The following CDHR3 variants were observed in gnomAD, a reference collection of about 807,000 sequenced individuals.
The protein encoded by CDHR3 is cadherin-related family member 3.
A neutral mutation model predicts 86.6 loss-of-function variants in CDHR3; 79 were observed. That is an observed-to-expected ratio of 0.91 (90% CI 0.76 to 1.10). The LOEUF is 1.10. Among genes scored for constraint, CDHR3 ranks in the 50% least tolerant of loss-of-function variants. CDHR3 has a pLI of 0.00. For missense variants in CDHR3, 1,081 were observed against 1,077.6 expected (o/e 1.00, Z -0.04); for synonymous variants, 421 against 402.4 (o/e 1.05, Z -0.55).
intron 4 of CDHR3, among the ~76,000 whole-genome samples, chr7:105,984,710 C>T (rs1314405860): frequency 6.6e-6 from 1 of 152,030 alleles, no homozygotes; most frequent in East Asian, 1.9e-4. Context: ...ATAAAATGTA[C>T]ACCCCAAATC....
In CDHR3 at chr7:106,011,581, C is replaced by T. The variant is rs560689323; in HGVS notation, c.1053-1279C>T. Among the ~76,000 whole-genome samples the T allele has an allele frequency of 4.6e-5, 7 of 152,080 alleles. No homozygotes were observed. In the South Asian group the frequency reaches 1.5e-3, roughly 32 times the overall value. ...TAAAACCGAAAGGACTGTGGGAAAA[C>T]CTATAGTACTGTGAGAAACCATAAA... On this transcript the variant is annotated intron_variant, in intron 8 of 18. Coordinates refer to ENST00000317716, the MANE Select transcript of CDHR3 (RefSeq NM_152750.5).
At chr7:105,990,660 C>T (rs528512899) in intron 4 of CDHR3, among the ~76,000 whole-genome samples, 76 of 152,248 alleles carry the variant, frequency 5.0e-4, no homozygotes, top group Non-Finnish European at 3.8e-4. Flanking sequence ...ACTCAGCCTG[C>T]GGTGGCCTGG....
intron 15 of CDHR3, 113 bp from the exon 16 acceptor site, chr7:106,026,569 T>C: frequency 9.1e-7 from 1 of 1,094,844 alleles, no homozygotes; most frequent in East Asian, 2.4e-5. Flanking sequence ...CCTCTTTCAG[T>C]CAACCCCTGT....
rs562731057 is a variant in CDHR3, at chr7:106,003,804, C to T, written c.863-694C>T. Among the ~76,000 whole-genome samples the T allele has an allele frequency of 1.0e-3, 158 of 152,192 alleles. 5 individuals are homozygous for T. In the South Asian group the frequency reaches 0.03, roughly 29 times the overall value. ...CAAAGGCAATAATTGTGCACTGCCT[C>T]TGAAAACATCCTGATGCCCTGTCAG... is the stretch of plus-strand genomic sequence containing the variant. On this transcript the variant is annotated intron_variant, in intron 7 of 18. Coordinates refer to ENST00000317716, the MANE Select transcript of CDHR3 (RefSeq NM_152750.5).
intron 4 of CDHR3, among the ~76,000 whole-genome samples, chr7:105,990,845 A>T (rs1009542205): frequency 1.3e-5 from 2 of 152,146 alleles, no homozygotes; most frequent in Admixed American, 1.3e-4. Flanking sequence ...GGGAGCTGAC[A>T]TTTCTGGAAA....
At chr7:105,973,096 AGGGTTTTC>A (rs1828226155) in intron 1 of CDHR3, among the ~76,000 whole-genome samples, 1 of 152,124 alleles carries the variant, frequency 6.6e-6, no homozygotes, top group Non-Finnish European at 1.5e-5. Flanking sequence ...CTACTTGTTC[AGGGTTTTC>A]TTCTCAGGGT....
intron 10 of CDHR3, 40 bp downstream of exon 10, chr7:106,015,253 G>A (rs1225969374): frequency 6.6e-7 from 1 of 1,519,784 alleles, no homozygotes; most frequent in Non-Finnish European, 9.0e-7. Context: ...TGTCTTTCTT[G>A]AGTATCAATG....
At chr7:105,989,646 T>C (rs1454669379) in intron 4 of CDHR3, among the ~76,000 whole-genome samples, 2 of 152,056 alleles carry the variant, frequency 1.3e-5, no homozygotes, top group Non-Finnish European at 2.9e-5. Flanking sequence ...TATAAAGTGG[T>C]CATCATATGC....
chr7:106,015,724 T>C, intron 10 of CDHR3: 1 of 596,816 alleles, frequency 1.7e-6, no homozygotes, highest in Non-Finnish European at 3.0e-6. Flanking sequence ...GTTCCTACTC[T>C]GGGTTCTGTA....
chr7:106,028,926 T>TTCTTTC (rs754712846), intron 17 of CDHR3, among the ~76,000 whole-genome samples: 1,301 of 106,302 alleles, frequency 0.012, 33 homozygotes, highest in African/African-American at 0.04. Flanking sequence ...TTTTCTTTCT[T>TTCTTTC]TCTTTCTTTC....
At chr7:105,997,211 T>G (rs559835514) in intron 6 of CDHR3, among the ~76,000 whole-genome samples, 7 of 152,282 alleles carry the variant, frequency 4.6e-5, no homozygotes, top group African/African-American at 1.4e-4. Context: ...CTTGCAAAAC[T>G]ACTCCAAGAT....
chr7:106,023,730 A>T (rs889564083), intron 14 of CDHR3, among the ~76,000 whole-genome samples: 3 of 152,014 alleles, frequency 2.0e-5, no homozygotes, highest in African/African-American at 7.2e-5. Flanking sequence ...AGTCAATATG[A>T]CCCCAGTGAA....
At position 106,020,425 on chromosome 7, in the gene CDHR3, A is replaced by G. The variant is rs780959455; in HGVS notation, c.1706A>G (p.Asn569Ser). ...GATGAAAAGCCAATTTGTACTCCAA[A>G]CTCTTATTTCCTGGCCCTCCCAGTG... Reference protein sequence around the residue: ...ENDEKPICTPNSYFLALPVDL... With the variant: ...ENDEKPICTPSSYFLALPVDL... Residue 569 changes from asparagine to serine, a missense_variant, in exon 13 of 19, where the codon AAC (asparagine) becomes AGC (serine). Physicochemically the swap from Asn to Ser is conservative, Grantham distance 46 (BLOSUM62 1). Transcript: ENST00000317716. 1 of 1,613,786 alleles carries G rather than the reference A, an allele frequency of 6.2e-7. No homozygotes were observed. The highest frequency in any genetic ancestry group is 1.7e-5 in the Admixed American group (1 of 59,982).
At chr7:105,974,567 G>A (rs193282341) in intron 1 of CDHR3, among the ~76,000 whole-genome samples, 1 of 152,330 alleles carries the variant, frequency 6.6e-6, no homozygotes, top group Admixed American at 6.5e-5. Flanking sequence ...TGGGAGAAAA[G>A]AGAAGGGAAG....
At chr7:106,015,824 C>T (rs762713235) in intron 10 of CDHR3, 103 bp from the exon 11 acceptor site, 1 of 851,558 alleles carries the variant, frequency 1.2e-6, no homozygotes, top group Non-Finnish European at 1.9e-6. Flanking sequence ...CCTGGTATCC[C>T]CTATGCGCAA....
At position 106,034,601 on chromosome 7, in the gene CDHR3, G is replaced by T. The variant is rs1229437958; in HGVS notation, c.*1904G>T. On this transcript the variant is annotated 3_prime_UTR_variant, in exon 19 of 19. Transcript: ENST00000317716. Reference sequence around the variant, plus strand: ...ATGGATTTAAACTTTGCAAAAGAAGGCAGAACTGTTCATTTATGCAGGTTA... The same window carrying T: ...ATGGATTTAAACTTTGCAAAAGAAGTCAGAACTGTTCATTTATGCAGGTTA... Among the ~76,000 whole-genome samples, 1 of 152,258 alleles carries T rather than the reference G, an allele frequency of 6.6e-6. No individual in the cohort carries two copies. Among genetic ancestry groups the T allele is most frequent in the Admixed American group, 6.5e-5 (1 of 15,286 alleles).
chr7:105,989,853 C>T (rs1225088272), intron 4 of CDHR3, among the ~76,000 whole-genome samples: 1 of 152,174 alleles, frequency 6.6e-6, no homozygotes, highest in Non-Finnish European at 1.5e-5. Flanking sequence ...TTCTGAGTGA[C>T]AGCATCCCTG....
At position 106,017,888 on chromosome 7, in the gene CDHR3, T is replaced by TC. The variant is rs1254689562; in HGVS notation, c.1474dup (p.Gln492ProfsTer24). ...CAGGTGCGAGCCACTGATAAAGACC[T>TC]CCCCCAGAGCAGCCTCCTGTACTCC... On this transcript the variant is annotated frameshift_variant, in exon 12 of 19. Coordinates refer to ENST00000317716, the MANE Select transcript of CDHR3 (RefSeq NM_152750.5). LOFTEE classifies it high-confidence loss of function. 25 of 1,602,834 alleles carry TC rather than the reference T, an allele frequency of 1.6e-5. No individual in the cohort carries two copies. Among genetic ancestry groups the TC allele is most frequent in the Non-Finnish European group, 2.1e-5 (25 of 1,174,728 alleles).
intron 15 of CDHR3, among the ~76,000 whole-genome samples, chr7:106,025,059 C>T (rs1837155441): frequency 6.6e-6 from 1 of 152,212 alleles, no homozygotes. Flanking sequence ...CAGTCTCTCA[C>T]TCTTAAGGGT....
Sources: allele counts gnomAD v4.1 joint callset (sites outside exome capture counted in the v4.1 genomes callset), GRCh38; gene constraint gnomAD v4.1.1; transcripts MANE v1.5; gene names NCBI Gene and HGNC (gene_info 2026-07-23, HGNC 2026-07-21).